The following QSOX1 variants were observed in gnomAD, a reference collection of about 807,000 sequenced individuals.
The protein encoded by QSOX1 is quiescin sulfhydryl oxidase 1, also known as sulfhydryl oxidase 1.
Under a neutral mutation model 76.1 loss-of-function variants are expected in QSOX1, and 40 were observed. That is an observed-to-expected ratio of 0.53 (90% CI 0.41 to 0.68). The LOEUF (loss-of-function observed/expected upper bound fraction) is 0.68, where lower values mean the gene tolerates loss of function less well. QSOX1 is among the 30% of genes least tolerant of loss of function. The pLI is 0.00. For synonymous variants in QSOX1, 392 were observed against 413.1 expected (o/e 0.95, Z 0.62); for missense variants, 931 against 974.3 (o/e 0.96, Z 0.59).
rs1204525200 is a variant in QSOX1, at chr1:180,196,136, C to G, written c.1469-126C>G. On this transcript the variant is annotated intron_variant, in intron 11 of 11. Transcript: ENST00000367602. The surrounding 1 kb of genome is among the most constrained non-coding windows in gnomAD (Gnocchi z 4.1). ...AATCTGTATTTTCTAATTACCCATC[C>G]TCTGGAAGGGCAGTGGCGAGCCCTT... 2 of 1,206,984 alleles carry G rather than the reference C, an allele frequency of 1.7e-6. No individual in the cohort carries two copies. Among genetic ancestry groups the G allele is most frequent in the African/African-American group, 1.5e-5 (1 of 65,484 alleles). The allele number at this position is 1,206,984 out of a possible 1,614,324, so 74.8% of individuals were successfully genotyped here. A position where few individuals can be genotyped will look rare whatever the true frequency, so the allele number is the denominator to read the frequency against.
intron 6 of QSOX1, among the ~76,000 whole-genome samples, chr1:180,183,686 T>C (rs1053518221): frequency 1.3e-5 from 2 of 152,198 alleles, no homozygotes; most frequent in African/African-American, 2.4e-5. Flanking sequence ...AGGTTTGACA[T>C]CAGGCTGGTG....
At position 180,202,747 on chromosome 1, in the gene QSOX1, T is replaced by G. The variant is rs149072868; in HGVS notation, c.*5710T>G. On this transcript the variant is annotated 3_prime_UTR_variant, in exon 12 of 12. Transcript: ENST00000367602. ...TTGAAAGCATGAAAACAATGGAAAA[T>G]GCAACTGATGTGAGTAATCCATCTA... is the stretch of plus-strand genomic sequence containing the variant. 10 of 147,732 alleles carry G rather than the reference T, an allele frequency of 6.8e-5. No individual in the cohort carries two copies. The highest frequency in any genetic ancestry group is 2.5e-4 in the African/African-American group (10 of 40,356). 9.2% of individuals were successfully genotyped at this position (147,732 alleles called of 1,614,324 possible). A position where few individuals can be genotyped will look rare whatever the true frequency, so the allele number is the denominator to read the frequency against.
chr1:180,194,997 G>GGGGGC (rs1663426828), intron 11 of QSOX1, among the ~76,000 whole-genome samples: 3 of 137,728 alleles, frequency 2.2e-5, no homozygotes, highest in African/African-American at 8.5e-5. Flanking sequence ...ACAGCCTCCC[G>GGGGGC]GGGGGGGGAG....
chr1:180,159,054 C>T (rs1662435780), intron 1 of QSOX1, among the ~76,000 whole-genome samples: 1 of 152,176 alleles, frequency 6.6e-6, no homozygotes, highest in South Asian at 2.1e-4. Context: ...TGACTCCAGA[C>T]CAAGCCCCCA....
chr1:180,189,446 GC>G (rs1663253549), intron 8 of QSOX1, 105 bp from the exon 9 acceptor site: 2 of 118,096 alleles, frequency 1.7e-5, no homozygotes, highest in South Asian at 9.4e-5. Context: ...ACTGCCCCCC[GC>G]CCCCCGCCCC....
intron 5 of QSOX1, among the ~76,000 whole-genome samples, chr1:180,180,160 T>A (rs193054740): frequency 6.6e-6 from 1 of 152,376 alleles, no homozygotes; most frequent in Admixed American, 6.5e-5. Context: ...ATGATTTCAC[T>A]TCTAAGCCTC....
intron 1 of QSOX1, among the ~76,000 whole-genome samples, chr1:180,161,030 C>T (rs996608262): frequency 2.0e-5 from 3 of 152,046 alleles, no homozygotes; most frequent in Non-Finnish European, 4.4e-5. Flanking sequence ...TCTTTAGGAA[C>T]ATATTTTTTC....
At chr1:180,190,386 ATCCTTT>A (rs1418380188) in intron 9 of QSOX1, 41 bp from the exon 10 acceptor site, 8 of 1,575,562 alleles carry the variant, frequency 5.1e-6, no homozygotes, top group Non-Finnish European at 7.0e-6. Context: ...TGCCTCTCCC[ATCCTTT>A]TCCTTCTCCA....
At chr1:180,160,158 C>T (rs1038247531) in intron 1 of QSOX1, among the ~76,000 whole-genome samples, 3 of 152,026 alleles carry the variant, frequency 2.0e-5, no homozygotes, top group African/African-American at 2.4e-5. Flanking sequence ...TACAATATGA[C>T]GCTTAGCCAG....
chr1:180,183,374 A>C (rs1221651064), intron 6 of QSOX1, among the ~76,000 whole-genome samples: 1 of 152,046 alleles, frequency 6.6e-6, no homozygotes, highest in Non-Finnish European at 1.5e-5. Flanking sequence ...AAAGAAAGAA[A>C]CCAAAAAGAC....
chr1:180,191,559 C>A (rs1299735505), intron 10 of QSOX1, among the ~76,000 whole-genome samples: 1 of 152,212 alleles, frequency 6.6e-6, no homozygotes, highest in African/African-American at 2.4e-5. Context: ...GCCGGGGACA[C>A]AGCAGCATAT....
chr1:180,154,883 T>G lies in QSOX1; in HGVS notation c.-25T>G. On this transcript the variant is annotated 5_prime_UTR_variant, in exon 1 of 12. Coordinates refer to ENST00000367602, the MANE Select transcript of QSOX1 (RefSeq NM_002826.5). ...GGACCCGACTCATCCGGTGCTTGCG[T>G]GTGGTGGTGAGCGCAGCGCCGAGGA... is the stretch of plus-strand genomic sequence containing the variant. The G allele has an allele frequency of 2.2e-6, 3 of 1,385,402 alleles. No homozygotes were observed. The highest frequency in any genetic ancestry group is 2.8e-6 in the Non-Finnish European group (3 of 1,076,510). The allele number at this position is 1,385,402 out of a possible 1,614,324, so 85.8% of individuals were successfully genotyped here.
chr1:180,189,756 T>A, intron 9 of QSOX1, 82 bp downstream of exon 9: 1 of 1,472,984 alleles, frequency 6.8e-7, no homozygotes, highest in Non-Finnish European at 9.1e-7. Flanking sequence ...ATTTCTGACC[T>A]TCTTCGCCAG....
chr1:180,178,261 C>T (rs1227307645), intron 4 of QSOX1, among the ~76,000 whole-genome samples: 3 of 152,144 alleles, frequency 2.0e-5, no homozygotes, highest in Non-Finnish European at 2.9e-5. Flanking sequence ...TTTTTGGAGA[C>T]GGAGTTTTGC....
intron 5 of QSOX1, 48 bp from the exon 6 acceptor site, chr1:180,182,126 T>A (rs1169228179): frequency 1.9e-6 from 3 of 1,604,640 alleles, no homozygotes; most frequent in Non-Finnish European, 2.6e-6. Flanking sequence ...CAGCCCTGGC[T>A]CCCTCCACCC....
Position 180,196,500 on chromosome 1 carries a change from G to A in QSOX1, c.1707G>A (p.Leu569=). The A allele has an allele frequency of 3.1e-6, 5 of 1,614,060 alleles. No individual in the cohort carries two copies. The highest frequency in any genetic ancestry group is 4.2e-6 in the Non-Finnish European group (5 of 1,179,936). The change falls in exon 12 of 12, where the codon CTG becomes CTA. Residue 569 remains leucine (L), a synonymous_variant. Coordinates refer to ENST00000367602, the MANE Select transcript of QSOX1 (RefSeq NM_002826.5). The surrounding 1 kb of genome is among the most constrained non-coding windows in gnomAD (Gnocchi z 4.1). The stretch of plus-strand genomic sequence containing the variant: ...CCCCAGAGCTGGCGATGGGAGCCCT[G>A]GAGCTGGAAAGCCGGAATTCAACTC... ...AAAPELAMGA[L]ELESRNSTLD... is the part of the protein sequence containing the mutation.
intron 2 of QSOX1, 66 bp downstream of exon 2, chr1:180,166,657 AC>A: frequency 6.8e-7 from 1 of 1,476,528 alleles, no homozygotes; most frequent in Non-Finnish European, 9.4e-7. Context: ...AGGGAAAGGG[AC>A]CATGTGGGAT....
intron 1 of QSOX1, among the ~76,000 whole-genome samples, chr1:180,165,721 G>A (rs1239084206): frequency 1.3e-5 from 2 of 152,260 alleles, no homozygotes; most frequent in Non-Finnish European, 2.9e-5. Flanking sequence ...TGGAACTTTG[G>A]TGGATGCTCA....
rs1402345635 is a variant in QSOX1, at chr1:180,201,131, G to A, written c.*4094G>A. 1 of 152,144 alleles carries A rather than the reference G, an allele frequency of 6.6e-6. No individual in the cohort carries two copies. Among genetic ancestry groups the A allele is most frequent in the Admixed American group, 6.5e-5 (1 of 15,278 alleles). The allele number at this position is 152,144 out of a possible 1,614,324, so 9.4% of individuals were successfully genotyped here. ...ATTGGGGCCGCAGACTTAGTTTGCG[G>A]GTCCCTGCTAAATTCCTCTCCCTCT... On this transcript the variant is annotated 3_prime_UTR_variant, in exon 12 of 12. Transcript: ENST00000367602.
Sources: allele counts gnomAD v4.1 joint callset (sites outside exome capture counted in the v4.1 genomes callset), GRCh38; gene constraint gnomAD v4.1.1; non-coding constraint Gnocchi (gnomAD v3.1); transcripts MANE v1.5; gene names NCBI Gene and HGNC (gene_info 2026-07-23, HGNC 2026-07-21).